Variants in GBE1 observed in about 807,000 individuals in gnomAD.
The protein encoded by GBE1 is 1,4-alpha-glucan branching enzyme 1.
Under a neutral mutation model 88.8 loss-of-function variants are expected in GBE1, and 70 were observed. The observed-to-expected ratio is 0.79, with a 90% CI of 0.65 to 0.96. The LOEUF is 0.96. GBE1 is among the 40% of genes least tolerant of loss of function. GBE1 has a pLI of 0.00. For synonymous variants in GBE1, 284 were observed against 300.1 expected (o/e 0.95, Z 0.56); for missense variants, 872 against 871.0 (o/e 1.00, Z -0.01).
At chr3:81,689,783 G>A (rs1182236499) in intron 2 of GBE1, among the ~76,000 whole-genome samples, 2 of 152,150 alleles carry the variant, frequency 1.3e-5, no homozygotes, top group Non-Finnish European at 2.9e-5. Context: ...CCCGGGAGAG[G>A]TATGCTCTGT....
intron 12 of GBE1, among the ~76,000 whole-genome samples, chr3:81,556,784 A>G (rs1239728419): frequency 6.6e-6 from 1 of 152,078 alleles, no homozygotes; most frequent in Non-Finnish European, 1.5e-5. Context: ...CTCCAGTTAA[A>G]TAAAGAATTT....
At chr3:81,569,766 A>T (rs543046636) in intron 12 of GBE1, among the ~76,000 whole-genome samples, 1 of 152,206 alleles carries the variant, frequency 6.6e-6, no homozygotes, top group African/African-American at 2.4e-5. Context: ...TGTTTCAAAC[A>T]TTGATTTCTA....
intron 7 of GBE1, among the ~76,000 whole-genome samples, chr3:81,632,051 A>G (rs1704520945): frequency 6.6e-6 from 1 of 152,134 alleles, no homozygotes; most frequent in Admixed American, 6.6e-5. Flanking sequence ...CAGTGAGAAC[A>G]TGCAGTGTTT....
intron 7 of GBE1, among the ~76,000 whole-genome samples, chr3:81,600,576 T>C (rs1405645554): frequency 6.6e-6 from 1 of 152,114 alleles, no homozygotes; most frequent in Admixed American, 6.6e-5. Context: ...ATAAAGTATC[T>C]GGGAACTGAT....
At chr3:81,604,666 C>G (rs1217402636) in intron 7 of GBE1, among the ~76,000 whole-genome samples, 1 of 151,964 alleles carries the variant, frequency 6.6e-6, no homozygotes, top group Non-Finnish European at 1.5e-5. Flanking sequence ...GGAAATGGAA[C>G]TGGAAATTAA....
chr3:81,699,632 C>A (rs1482909839), intron 2 of GBE1, among the ~76,000 whole-genome samples: 1 of 152,122 alleles, frequency 6.6e-6, no homozygotes, highest in African/African-American at 2.4e-5. Flanking sequence ...AAGCATCCAG[C>A]ATGGGAGAAA....
rs183945789 is a variant in GBE1, at chr3:81,680,096, T to C, written c.314-9143A>G. Among the ~76,000 whole-genome samples the C allele has an allele frequency of 7.4e-4, 112 of 152,338 alleles. No homozygotes were observed. In the Middle Eastern group the frequency reaches 0.017, roughly 23 times the overall value. Reference sequence around the variant, plus strand: ...GACGTTCCACAGATCCTTGAAAATATGTAATTTCATTTCATTCAAATTCTC... The same window carrying C: ...GACGTTCCACAGATCCTTGAAAATACGTAATTTCATTTCATTCAAATTCTC... On this transcript the variant is annotated intron_variant, in intron 2 of 15. Coordinates refer to ENST00000429644, the MANE Select transcript of GBE1 (RefSeq NM_000158.4).
At chr3:81,547,625 T>TTCTCTCTCTCTCTCTC (rs56681369) in intron 12 of GBE1, among the ~76,000 whole-genome samples, 25 of 138,378 alleles carry the variant, frequency 1.8e-4, no homozygotes, top group African/African-American at 6.4e-4. Context: ...GGTTCGTTTG[T>TTCTCTCTCTCTCTCTC]TCTCTCTCTC....
At chr3:81,537,936 T>C (rs945037375) in intron 12 of GBE1, among the ~76,000 whole-genome samples, 2 of 151,922 alleles carry the variant, frequency 1.3e-5, no homozygotes, top group Non-Finnish European at 2.9e-5. Flanking sequence ...AACAAATACA[T>C]AGTTTCCATT....
At chr3:81,754,692 C>G (rs1706578203) in intron 1 of GBE1, among the ~76,000 whole-genome samples, 1 of 152,074 alleles carries the variant, frequency 6.6e-6, no homozygotes, top group Admixed American at 6.6e-5. Context: ...ACCAACTCAT[C>G]TTCAACAAAG....
chr3:81,723,574 G>A (rs946281321), intron 1 of GBE1, among the ~76,000 whole-genome samples: 1 of 152,074 alleles, frequency 6.6e-6, no homozygotes, highest in South Asian at 2.1e-4. Flanking sequence ...GTTGCACAGA[G>A]AATCCCAGTG....
intron 2 of GBE1, among the ~76,000 whole-genome samples, chr3:81,696,298 T>C (rs1311912542): frequency 1.3e-5 from 2 of 152,182 alleles, no homozygotes; most frequent in Admixed American, 1.3e-4. Context: ...CTTTGACAGA[T>C]TTACCACATT....
At chr3:81,611,125 G>C (rs1364240562) in intron 7 of GBE1, among the ~76,000 whole-genome samples, 1 of 151,928 alleles carries the variant, frequency 6.6e-6, no homozygotes, top group Non-Finnish European at 1.5e-5. Context: ...TTATTTATAG[G>C]AGTCTAGAAG....
At chr3:81,714,878 G>A (rs533468634) in intron 1 of GBE1, among the ~76,000 whole-genome samples, 50 of 152,254 alleles carry the variant, frequency 3.3e-4, no homozygotes, top group African/African-American at 1.1e-3. Context: ...AGACAGGAAA[G>A]GGAGGAAACA....
Position 81,500,500 on chromosome 3 carries a change from T to C in GBE1, c.1935-1273A>G, listed in dbSNP as rs576681549. ...ACAAATCTTCCAAAAACTAAAACAGTACAGTTTAGAGAGTAATGTTCTAGA... is the reference window on the plus strand; with the variant it reads ...ACAAATCTTCCAAAAACTAAAACAGCACAGTTTAGAGAGTAATGTTCTAGA... On this transcript the variant is annotated intron_variant, in intron 14 of 15. Transcript: ENST00000429644. 5.3e-5 allele frequency among the ~76,000 whole-genome samples: 8 copies of C among 152,334 alleles called. No individual in the cohort carries two copies. The South Asian group carries it at 1.7e-3, about 32-fold the overall frequency.
chr3:81,729,433 G>C (rs182942381), intron 1 of GBE1, among the ~76,000 whole-genome samples: 213 of 152,292 alleles, frequency 1.4e-3, no homozygotes, highest in African/African-American at 4.8e-3. Context: ...CCTCTCCAAT[G>C]AGCAGAACTA....
intron 2 of GBE1, among the ~76,000 whole-genome samples, chr3:81,699,094 C>T (rs967652415): frequency 1.3e-5 from 2 of 152,006 alleles, no homozygotes; most frequent in African/African-American, 2.4e-5. Flanking sequence ...TATCACTTTG[C>T]CAAAATAAAC....
intron 15 of GBE1, among the ~76,000 whole-genome samples, chr3:81,494,133 T>C (rs191152890): frequency 1.3e-5 from 2 of 152,322 alleles, no homozygotes; most frequent in Admixed American, 1.3e-4. Flanking sequence ...TGTGTTTATA[T>C]TGCTCCAGAG....
chr3:81,636,082 T>G (rs1471186873), intron 7 of GBE1, among the ~76,000 whole-genome samples: 2 of 152,204 alleles, frequency 1.3e-5, no homozygotes, highest in Non-Finnish European at 2.9e-5. Context: ...GAAACTTTTC[T>G]GCTAGACTGA....
Sources: allele counts gnomAD v4.1 joint callset (sites outside exome capture counted in the v4.1 genomes callset), GRCh38; gene constraint gnomAD v4.1.1; transcripts MANE v1.5; gene names NCBI Gene and HGNC (gene_info 2026-07-23, HGNC 2026-07-21).